Variants in ZFAND5 observed in about 807,000 individuals in gnomAD.
ZFAND5 encodes zinc finger AN1-type containing 5.
ZFAND5 carries 4 observed loss-of-function variants against 23.6 expected under a neutral mutation model. The observed-to-expected ratio is 0.17, with a 90% CI of 0.08 to 0.39. The LOEUF (loss-of-function observed/expected upper bound fraction) is 0.39, where lower values mean the gene tolerates loss of function less well. Ranked by LOEUF, ZFAND5 falls within the 10% of genes least tolerant of loss-of-function variation. The pLI, the probability that ZFAND5 is intolerant of heterozygous loss-of-function variation, is 1.00. For synonymous variants in ZFAND5, 68 were observed against 80.6 expected (o/e 0.84, Z 0.84); for missense variants, 161 against 253.7 (o/e 0.63, Z 2.48).
At chr9:72,363,197 A>G (rs1842154256) in intron 2 of ZFAND5, among the ~76,000 whole-genome samples, 1 of 152,156 alleles carries the variant, frequency 6.6e-6, no homozygotes. Context: ...TAGGTATTGC[A>G]TTCCCCTTGT....
Position 72,355,906 on chromosome 9 carries a change from A to C in ZFAND5, c.*47T>G, listed in dbSNP as rs760431341. On this transcript the variant is annotated 3_prime_UTR_variant, in exon 7 of 7. Transcript: ENST00000376962. Reference sequence around the variant, plus strand: ...ATCTGCTCTTTAATGTTTTCCTACGATATATTAAAATAAAAACAAAGTTTC... The same window carrying C: ...ATCTGCTCTTTAATGTTTTCCTACGCTATATTAAAATAAAAACAAAGTTTC... The C allele has an allele frequency of 6.4e-7, 1 of 1,557,464 alleles. No individual in the cohort carries two copies. The highest frequency in any genetic ancestry group is 8.7e-7 in the Non-Finnish European group (1 of 1,151,292).
chr9:72,363,426 T>C (rs769465826), intron 2 of ZFAND5, 44 bp downstream of exon 2: 1 of 155,258 alleles, frequency 6.4e-6, no homozygotes, highest in Non-Finnish European at 1.4e-5. Flanking sequence ...TACAGTTCTT[T>C]CAGGTGCACA....
intron 2 of ZFAND5, 73 bp from the exon 3 acceptor site, chr9:72,360,860 G>A: frequency 2.2e-6 from 3 of 1,338,042 alleles, no homozygotes; most frequent in Middle Eastern, 1.9e-4. Flanking sequence ...TCGGTATACC[G>A]TTGTAATTGC....
Position 72,354,320 on chromosome 9 carries a change from AAT to A in ZFAND5, c.*1631_*1632del, listed in dbSNP as rs1841872290. 1 of 152,104 alleles carries A rather than the reference AAT, an allele frequency of 6.6e-6. No homozygotes were observed. Among genetic ancestry groups the A allele is most frequent in the Non-Finnish European group, 1.5e-5 (1 of 68,026 alleles). The allele number at this position is 152,104 out of a possible 1,614,324, so 9.4% of individuals were successfully genotyped here. A position where few individuals can be genotyped will look rare whatever the true frequency, so the allele number is the denominator to read the frequency against. On this transcript the variant is annotated 3_prime_UTR_variant, in exon 7 of 7. Transcript: ENST00000376962. ...AGGTATCATACCTGCAAATGCTTCT[AAT>A]ATCTCTTGATTATCACTTGAACAAG...
At position 72,353,024 on chromosome 9, in the gene ZFAND5, C is replaced by T. The variant is rs1475759543; in HGVS notation, c.*2929G>A. ...AGCCTACCTAGGATCAAACCTGAGG[C>T]TCTAGTTTTACAGATCAGGCACACT... On this transcript the variant is annotated 3_prime_UTR_variant, in exon 7 of 7. Coordinates refer to ENST00000376962, the MANE Select transcript of ZFAND5 (RefSeq NM_001102420.3). 1 of 152,246 alleles carries T rather than the reference C, an allele frequency of 6.6e-6. No individual in the cohort carries two copies. The highest frequency in any genetic ancestry group is 2.4e-5 in the African/African-American group (1 of 41,466). 9.4% of individuals were successfully genotyped at this position (152,246 alleles called of 1,614,324 possible).
chr9:72,357,134 G>C, intron 5 of ZFAND5, 78 bp from the exon 6 acceptor site: 1 of 1,524,324 alleles, frequency 6.6e-7, no homozygotes, highest in Non-Finnish European at 8.9e-7. Context: ...GTATTTAAGA[G>C]AAACAGGAAG....
intron 6 of ZFAND5, among the ~76,000 whole-genome samples, chr9:72,356,531 C>A (rs552062582): frequency 6.6e-6 from 1 of 152,148 alleles, no homozygotes; most frequent in Non-Finnish European, 1.5e-5. Flanking sequence ...CACAGTCCTA[C>A]CATATCTTAA....
At position 72,353,924 on chromosome 9, in the gene ZFAND5, A is replaced by G. The variant is rs1841856835; in HGVS notation, c.*2029T>C. 6.6e-6 allele frequency: 1 copy of G among 152,162 alleles called. No individual in the cohort carries two copies. The highest frequency in any genetic ancestry group is 6.5e-5 in the Admixed American group (1 of 15,276). The allele number at this position is 152,162 out of a possible 1,614,324, so 9.4% of individuals were successfully genotyped here. Reference sequence around the variant, plus strand: ...AGCATGCAAAGAACTGACAGATAAAACTAGGGTATTTCCACCCCAAACTCC... The same window carrying G: ...AGCATGCAAAGAACTGACAGATAAAGCTAGGGTATTTCCACCCCAAACTCC... On this transcript the variant is annotated 3_prime_UTR_variant, in exon 7 of 7. Coordinates refer to ENST00000376962, the MANE Select transcript of ZFAND5 (RefSeq NM_001102420.3).
In ZFAND5 at chr9:72,359,406, T is replaced by A; in HGVS notation, c.367+12A>T. The A allele has an allele frequency of 6.2e-7, 1 of 1,610,742 alleles. No individual in the cohort carries two copies. Among genetic ancestry groups the A allele is most frequent in the Admixed American group, 1.7e-5 (1 of 59,692 alleles). ...AATTCAGAACTGAACAAGTATTAAA[T>A]GAAAAACATACCTGGCTCTGACACC... On this transcript the variant is annotated intron_variant, in intron 5 of 6. Coordinates refer to ENST00000376962, the MANE Select transcript of ZFAND5 (RefSeq NM_001102420.3).
In ZFAND5 at chr9:72,354,144, TTTC is replaced by T. The variant is rs547867402; in HGVS notation, c.*1806_*1808del. The T allele has an allele frequency of 1.0e-3, 159 of 152,338 alleles. No homozygotes were observed. Among genetic ancestry groups the T allele is most frequent in the African/African-American group, 3.6e-3 (150 of 41,582 alleles). The allele number at this position is 152,338 out of a possible 1,614,324, so 9.4% of individuals were successfully genotyped here. ...TTTTTGTAAACTAAGTCATACCTAC[TTTC>T]TTCTTCAGAATTGTCATAAAACATC... On this transcript the variant is annotated 3_prime_UTR_variant, in exon 7 of 7. Coordinates refer to ENST00000376962, the MANE Select transcript of ZFAND5 (RefSeq NM_001102420.3).
Position 72,355,333 on chromosome 9 carries a change from T to C in ZFAND5, c.*620A>G, listed in dbSNP as rs772684321. 2 of 152,706 alleles carry C rather than the reference T, an allele frequency of 1.3e-5. No individual in the cohort carries two copies. The highest frequency in any genetic ancestry group is 2.4e-5 in the African/African-American group (1 of 41,448). The allele number at this position is 152,706 out of a possible 1,614,324, so 9.5% of individuals were successfully genotyped here. A position where few individuals can be genotyped will look rare whatever the true frequency, so the allele number is the denominator to read the frequency against. ...GTTGTTGGCTTGATGGTTTTACTTATAACCAGTTTCGATGTTTACCTTTCA... is the reference window on the plus strand; with the variant it reads ...GTTGTTGGCTTGATGGTTTTACTTACAACCAGTTTCGATGTTTACCTTTCA... On this transcript the variant is annotated 3_prime_UTR_variant, in exon 7 of 7. Coordinates refer to ENST00000376962, the MANE Select transcript of ZFAND5 (RefSeq NM_001102420.3).
At position 72,356,117 on chromosome 9, in the gene ZFAND5, A is replaced by G. The variant is rs763006996; in HGVS notation, c.494-16T>C. On this transcript the variant is annotated splice_polypyrimidine_tract_variant and intron_variant, in intron 6 of 6. Coordinates refer to ENST00000376962, the MANE Select transcript of ZFAND5 (RefSeq NM_001102420.3). ...CAGTCAAACCCTGTACAAACGAAGA[A>G]GTAGAGTCATTTGAGAACTTGAGGC... The G allele has an allele frequency of 1.4e-5, 23 of 1,594,968 alleles. No homozygotes were observed. In the South Asian group the frequency reaches 2.7e-4, roughly 18 times the overall value.
intron 1 of ZFAND5, chr9:72,363,898 TAA>T (rs979575584): frequency 1.3e-5 from 2 of 153,714 alleles, no homozygotes; most frequent in African/African-American, 2.4e-5. Context: ...ACTCAATCAA[TAA>T]AGATAATCCG....
At position 72,357,294 on chromosome 9, in the gene ZFAND5, C is replaced by T. The variant is rs549760855; in HGVS notation, c.368-238G>A. Among the ~76,000 whole-genome samples, 41 of 152,266 alleles carry T rather than the reference C, an allele frequency of 2.7e-4. 1 individual carries two copies. The highest frequency in any genetic ancestry group is 8.7e-4 in the African/African-American group (36 of 41,582). ...CTCTAATTTTGTAAAATGATCGCTT[C>T]ACTCAAGAAATTCCTTTAAAACACT... On this transcript the variant is annotated intron_variant, in intron 5 of 6. Coordinates refer to ENST00000376962, the MANE Select transcript of ZFAND5 (RefSeq NM_001102420.3).
intron 1 of ZFAND5, 142 bp downstream of exon 1, chr9:72,364,554 G>A (rs1450840329): frequency 4.7e-6 from 6 of 1,272,386 alleles, no homozygotes; most frequent in Non-Finnish European, 6.1e-6. Context: ...TGGGCTGGCG[G>A]GCGGGCTCCC....
At chr9:72,363,366 A>T (rs946720052) in intron 2 of ZFAND5, 104 bp downstream of exon 2, 1 of 152,576 alleles carries the variant, frequency 6.6e-6, no homozygotes, top group East Asian at 1.9e-4. Context: ...AGTGTAACTG[A>T]ACAATTCTCC....
Position 72,351,552 on chromosome 9 carries a change from C to A in ZFAND5, c.*4401G>T, listed in dbSNP as rs1841769328. The A allele has an allele frequency of 6.7e-6, 1 of 149,206 alleles. No homozygotes were observed. Among genetic ancestry groups the A allele is most frequent in the Non-Finnish European group, 1.5e-5 (1 of 67,600 alleles). 9.2% of individuals were successfully genotyped at this position (149,206 alleles called of 1,614,324 possible). A position where few individuals can be genotyped will look rare whatever the true frequency, so the allele number is the denominator to read the frequency against. On this transcript the variant is annotated 3_prime_UTR_variant, in exon 7 of 7. Transcript: ENST00000376962. ...AACCAGCACTTGTGCATAGAAATAG[C>A]TATAAAATATTAAATGGCACTTTTG...
rs1468096544 is a variant in ZFAND5 at position 72,351,893 on chromosome 9, G to T, written c.*4060C>A. ...ATGCAAACTCTTCTAGCTAGTTTAA[G>T]GCTACATAATCTTATTGCTAATCAA... On this transcript the variant is annotated 3_prime_UTR_variant, in exon 7 of 7. Transcript: ENST00000376962. 6.6e-6 allele frequency: 1 copy of T among 152,140 alleles called. No homozygotes were observed. The highest frequency in any genetic ancestry group is 1.5e-5 in the Non-Finnish European group (1 of 68,018). 9.4% of individuals were successfully genotyped at this position (152,140 alleles called of 1,614,324 possible).
Position 72,360,791 on chromosome 9 carries a change from T to G in ZFAND5, c.-9-4A>C, listed in dbSNP as rs374316443. ...TCTCCTGAGCCATATTTTTCTGCTA[T>G]AGATGAAACGAAATTTCAGAAATTA... On this transcript the variant is annotated splice_polypyrimidine_tract_variant and splice_region_variant and intron_variant, in intron 2 of 6. Transcript: ENST00000376962. 6.3e-7 allele frequency: 1 copy of G among 1,586,880 alleles called. No homozygotes were observed. Among genetic ancestry groups the G allele is most frequent in the Admixed American group, 1.8e-5 (1 of 55,794 alleles).
Sources: allele counts gnomAD v4.1 joint callset (sites outside exome capture counted in the v4.1 genomes callset), GRCh38; gene constraint gnomAD v4.1.1; transcripts MANE v1.5; gene names NCBI Gene and HGNC (gene_info 2026-07-23, HGNC 2026-07-21).